Variants in ALAS1 observed in about 807,000 individuals in gnomAD.
The protein encoded by ALAS1 is 5'-aminolevulinate synthase 1, also known as 5-aminolevulinate synthase, non-specific, mitochondrial.
Under a neutral mutation model 59.6 loss-of-function variants are expected in ALAS1, and 29 were observed. That is an observed-to-expected ratio of 0.49 (90% CI 0.36 to 0.66). The LOEUF (loss-of-function observed/expected upper bound fraction) is 0.66. ALAS1 is among the 30% of genes least tolerant of loss of function. ALAS1 has a pLI of 0.00. For synonymous variants in ALAS1, 299 were observed against 296.6 expected (o/e 1.01, Z -0.08); for missense variants, 690 against 807.5 (o/e 0.85, Z 1.76).
Position 52,208,228 on chromosome 3 carries a change from C to T in ALAS1, c.1311C>T (p.Asp437=). The T allele has an allele frequency of 6.2e-7, 1 of 1,614,110 alleles. No homozygotes were observed. Among genetic ancestry groups the T allele is most frequent in the Non-Finnish European group, 8.5e-7 (1 of 1,180,000 alleles). Residue 437 remains aspartate, a synonymous_variant, in exon 9 of 12, where the codon GAC becomes GAT. Coordinates refer to ENST00000484952, the MANE Select transcript of ALAS1 (RefSeq NM_000688.6). ...GGGATGGAGTCATGCCAAAAATGGA[C>T]ATCATTTCTGGAACACTTGGTATGT... ...GDRDGVMPKM[D]IISGTLGKAF...
chr3:52,211,770 C>T (rs1038436519), intron 10 of ALAS1, among the ~76,000 whole-genome samples: 4 of 152,156 alleles, frequency 2.6e-5, no homozygotes, highest in Admixed American at 2.0e-4. Context: ...GTTCCCTCTC[C>T]GGAGCACTGA....
At chr3:52,202,798 C>T in intron 4 of ALAS1, 64 bp downstream of exon 4, 1 of 1,484,988 alleles carries the variant, frequency 6.7e-7, no homozygotes, top group African/African-American at 1.4e-5. Context: ...TTTGGGCCCT[C>T]AGATTTGTGT....
intron 11 of ALAS1, among the ~76,000 whole-genome samples, chr3:52,213,515 C>T (rs898914179): frequency 2.6e-5 from 4 of 152,178 alleles, no homozygotes; most frequent in Admixed American, 6.5e-5. Flanking sequence ...AAAATTCACC[C>T]TTTTAAAGTA....
At chr3:52,212,731 A>G (rs1699438136) in intron 11 of ALAS1, among the ~76,000 whole-genome samples, 1 of 152,006 alleles carries the variant, frequency 6.6e-6, no homozygotes, top group African/African-American at 2.4e-5. Context: ...GGGTTTCTCC[A>G]TGTTGGTCAG....
At chr3:52,212,654 C>T (rs1288944662) in intron 11 of ALAS1, 13 of 508,766 alleles carry the variant, frequency 2.6e-5, no homozygotes, top group Non-Finnish European at 4.3e-5. Flanking sequence ...GCCTCAGCTT[C>T]CTGAGTAGCT....
rs370488703 is a variant in ALAS1, at chr3:52,212,372, A to G, written c.1714A>G (p.Ile572Val). 2.9e-5 allele frequency: 47 copies of G among 1,613,990 alleles called. No homozygotes were observed. Among genetic ancestry groups the G allele is most frequent in the Non-Finnish European group, 3.9e-5 (46 of 1,180,032 alleles). Reference sequence around the variant, plus strand: ...GCCCCGGGGAGAAGAGCTCCTACGGATTGCCCCCACCCCTCACCACACACC... The same window carrying G: ...GCCCCGGGGAGAAGAGCTCCTACGGGTTGCCCCCACCCCTCACCACACACC... ...TVPRGEELLR[I>V]APTPHHTPQM... The change falls in exon 11 of 12, where the codon ATT (isoleucine) becomes GTT (valine). Residue 572 changes from isoleucine (I) to valine (V), a missense_variant. Transcript: ENST00000484952.
At chr3:52,207,291 C>T (rs2107274697) in intron 8 of ALAS1, among the ~76,000 whole-genome samples, 1 of 152,266 alleles carries the variant, frequency 6.6e-6, no homozygotes, top group Admixed American at 6.5e-5. Context: ...GTGTGAGCCA[C>T]CGCACCTGGC....
intron 3 of ALAS1, 139 bp from the exon 4 acceptor site, chr3:52,202,368 A>G: frequency 1.4e-6 from 1 of 734,886 alleles, no homozygotes; most frequent in East Asian, 2.7e-5. Flanking sequence ...AACAAAACAA[A>G]AAAAACACTT....
chr3:52,210,496 C>T (rs1184404952), intron 9 of ALAS1, among the ~76,000 whole-genome samples: 2 of 152,102 alleles, frequency 1.3e-5, no homozygotes, highest in African/African-American at 4.8e-5. Context: ...AGTGAGTAGC[C>T]AGGCACGATA....
chr3:52,210,281 G>A (rs910056090), intron 9 of ALAS1, among the ~76,000 whole-genome samples: 4 of 152,166 alleles, frequency 2.6e-5, no homozygotes, highest in Non-Finnish European at 4.4e-5. Flanking sequence ...TGTCAGAGCA[G>A]CAAGCCTGGG....
chr3:52,205,897 A>G lies in ALAS1; in HGVS notation c.859A>G (p.Ser287Gly). The change falls in exon 7 of 12, where the codon AGT becomes GGT. Residue 287 changes from serine (S) to glycine (G), a missense_variant. Physicochemically the swap from Ser to Gly is moderately conservative, Grantham distance 56. Coordinates refer to ENST00000484952, the MANE Select transcript of ALAS1 (RefSeq NM_000688.6). The stretch of plus-strand genomic sequence containing the variant: ...TGGTACTAGAAATATTTCTGGAACT[A>G]GTAAATTCCATGTGGACTTAGAGCG... Reference protein sequence around the residue: ...AGGTRNISGTSKFHVDLEREL... With the variant: ...AGGTRNISGTGKFHVDLEREL... 1 of 1,614,192 alleles carries G rather than the reference A, an allele frequency of 6.2e-7. No individual in the cohort carries two copies. Among genetic ancestry groups the G allele is most frequent in the Non-Finnish European group, 8.5e-7 (1 of 1,180,004 alleles).
chr3:52,206,794 C>G (rs752178982), intron 8 of ALAS1, 43 bp downstream of exon 8: 1 of 1,587,860 alleles, frequency 6.3e-7, no homozygotes, highest in East Asian at 2.2e-5. Flanking sequence ...AGATGAAAAA[C>G]TATGCCTGAA....
Position 52,212,396 on chromosome 3 carries a change from C to G in ALAS1, c.1738C>G (p.Pro580Ala), listed in dbSNP as rs765596796. The part of the protein sequence containing the change: ...LRIAPTPHHT[P>A]QMMNYFLENL... ...GATTGCCCCCACCCCTCACCACACA[C>G]CCCAGATGATGAACTACTTCCTTGG... is the stretch of plus-strand genomic sequence containing the variant. Residue 580 changes from proline to alanine, a missense_variant, in exon 11 of 12, where the codon CCC becomes GCC. Transcript: ENST00000484952. 6.2e-7 allele frequency: 1 copy of G among 1,614,050 alleles called. No homozygotes were observed. Among genetic ancestry groups the G allele is most frequent in the Non-Finnish European group, 8.5e-7 (1 of 1,180,010 alleles).
At chr3:52,203,801 A>T in intron 4 of ALAS1, 62 bp from the exon 5 acceptor site, 1 of 1,510,864 alleles carries the variant, frequency 6.6e-7, no homozygotes. Flanking sequence ...ATATGTTTGG[A>T]AGATATTGTG....
At position 52,208,162 on chromosome 3, in the gene ALAS1, A is replaced by C; in HGVS notation, c.1245A>C (p.Ala415=). The C allele has an allele frequency of 1.2e-6, 2 of 1,613,614 alleles. No individual in the cohort carries two copies. Among genetic ancestry groups the C allele is most frequent in the Non-Finnish European group, 1.7e-6 (2 of 1,179,702 alleles). Residue 415 remains alanine, a synonymous_variant, in exon 9 of 12, where the codon GCA becomes GCC. Coordinates refer to ENST00000484952, the MANE Select transcript of ALAS1 (RefSeq NM_000688.6). ...TCACCTTCGTGGATGAGGTCCACGCAGTGGGGCTTTATGGGGCTCGAGGCG... is the reference window on the plus strand; with the variant it reads ...TCACCTTCGTGGATGAGGTCCACGCCGTGGGGCTTTATGGGGCTCGAGGCG... The part of the protein sequence containing the change: ...GAITFVDEVH[A]VGLYGARGGG...
At position 52,204,922 on chromosome 3, in the gene ALAS1, A is replaced by C. The variant is rs1246315919; in HGVS notation, c.800+7A>C. 1 of 1,609,422 alleles carries C rather than the reference A, an allele frequency of 6.2e-7. No individual in the cohort carries two copies. Among genetic ancestry groups the C allele is most frequent in the Admixed American group, 1.7e-5 (1 of 60,006 alleles). ...GGGTGTGTGGGGCAGTTATGTAAGT[A>C]GCCCTTGGCTTTCAAATATTACTGT... On this transcript the variant is annotated splice_region_variant and intron_variant, in intron 6 of 11. Transcript: ENST00000484952.
At position 52,211,497 on chromosome 3, in the gene ALAS1, A is replaced by G; in HGVS notation, c.1545A>G (p.Leu515=). Residue 515 remains leucine (L), a synonymous_variant, in exon 10 of 12, where the codon CTA becomes CTG. Transcript: ENST00000484952. ...ACGTCAAACTCATGAGACAGATGCTAATGGATGCCGGCCTCCCTGTTGTCC... is the reference window on the plus strand; with the variant it reads ...ACGTCAAACTCATGAGACAGATGCTGATGGATGCCGGCCTCCCTGTTGTCC... ...QRNVKLMRQM[L]MDAGLPVVHC... is the part of the protein sequence containing the mutation. 1 of 1,614,240 alleles carries G rather than the reference A, an allele frequency of 6.2e-7. No homozygotes were observed. Among genetic ancestry groups the G allele is most frequent in the South Asian group, 1.1e-5 (1 of 91,082 alleles).
chr3:52,214,250 A>G lies in ALAS1; in HGVS notation c.*70A>G. 2 of 1,359,048 alleles carry G rather than the reference A, an allele frequency of 1.5e-6. No homozygotes were observed. Among genetic ancestry groups the G allele is most frequent in the Non-Finnish European group, 2.0e-6 (2 of 999,730 alleles). The allele number at this position is 1,359,048 out of a possible 1,614,324, so 84.2% of individuals were successfully genotyped here. ...CCAGATGGTCTTCAGAGTTGTCTTT[A>G]TATGTGAATTAAGTTATATTAAATT... On this transcript the variant is annotated 3_prime_UTR_variant, in exon 12 of 12. Transcript: ENST00000484952.
At chr3:52,209,687 T>G (rs1362989725) in intron 9 of ALAS1, among the ~76,000 whole-genome samples, 1 of 152,214 alleles carries the variant, frequency 6.6e-6, no homozygotes, top group Non-Finnish European at 1.5e-5. Context: ...CTATGAAGAC[T>G]CTTCTGGAGT....
Sources: gnomAD v4.1 joint callset for allele counts (sites outside exome capture counted in the v4.1 genomes callset) on GRCh38, gnomAD v4.1.1 for gene constraint, MANE v1.5 for transcripts, NCBI Gene and HGNC (gene_info 2026-07-23, HGNC 2026-07-21) for gene names.